The following NLK variants were observed in gnomAD, a reference collection of about 807,000 sequenced individuals.
The protein encoded by NLK is nemo like kinase, also known as serine/threonine-protein kinase NLK.
A neutral mutation model predicts 59.0 loss-of-function variants in NLK; 11 were observed. The observed-to-expected ratio is 0.19, with a 90% CI of 0.12 to 0.31. NLK has a LOEUF of 0.31. Among genes scored for constraint, NLK ranks in the 10% least tolerant of loss-of-function variants. The probability of loss-of-function intolerance (pLI) is 1.00; values close to 1 mark genes in which losing one functional copy is unlikely to be tolerated. For synonymous variants in NLK, 235 were observed against 235.9 expected, an observed-to-expected ratio of 1.00 and a Z score of 0.03; for missense variants, 410 against 661.1, an observed-to-expected ratio of 0.62 and a Z score of 4.16.
At chr17:28,090,517 A>C (rs759877730) in intron 1 of NLK, among the ~76,000 whole-genome samples, 1 of 151,762 alleles carries the variant, frequency 6.6e-6, no homozygotes, top group Non-Finnish European at 1.5e-5. Context: ...AAATTATTTT[A>C]ATTTTTTTTT....
At chr17:28,073,256 A>G (rs535018512) in intron 1 of NLK, among the ~76,000 whole-genome samples, 2 of 152,130 alleles carry the variant, frequency 1.3e-5, no homozygotes, top group South Asian at 4.2e-4. Context: ...GCTTTTACCT[A>G]TTTCACTTAC....
At chr17:28,068,917 G>A (rs915312348) in intron 1 of NLK, among the ~76,000 whole-genome samples, 8 of 152,152 alleles carry the variant, frequency 5.3e-5, no homozygotes, top group Non-Finnish European at 1.2e-4. Context: ...GGGCTCAAGC[G>A]ATCCTCACGC....
At chr17:28,136,180 A>G (rs1275325588) in intron 3 of NLK, among the ~76,000 whole-genome samples, 1 of 152,190 alleles carries the variant, frequency 6.6e-6, no homozygotes, top group Non-Finnish European at 1.5e-5. Context: ...TCATCCTATC[A>G]TATCACTTAA....
At chr17:28,166,463 G>A (rs868206395) in intron 5 of NLK, among the ~76,000 whole-genome samples, 16 of 152,194 alleles carry the variant, frequency 1.1e-4, no homozygotes, top group South Asian at 8.3e-4. Flanking sequence ...TCTTTAGAAC[G>A]GGGTTTTCAG....
intron 1 of NLK, among the ~76,000 whole-genome samples, chr17:28,118,935 CTGTCTTATTTAAGGCATCCAG>C (rs905216571): frequency 6.6e-6 from 1 of 152,154 alleles, no homozygotes; most frequent in African/African-American, 2.4e-5. Flanking sequence ...GACAGATGCA[CTGTCTTATTTAAGGCATCCAG>C]TGTTTAGCAG....
rs770763759 is a variant in NLK at position 28,172,549 on chromosome 17, A to G, written c.1080A>G (p.Pro360=). The change falls in exon 7 of 11, where the codon CCA becomes CCG. Residue 360 remains proline, a synonymous_variant. Transcript: ENST00000407008. ...LDLITDLLGT[P]SLEAMRTACE... is the part of the protein sequence containing the mutation. ...TGATCACGGATCTGTTGGGCACACC[A>G]TCACTGGAAGCAATGAGGACAGCTT... 1 of 1,596,606 alleles carries G rather than the reference A, an allele frequency of 6.3e-7. No individual in the cohort carries two copies. The highest frequency in any genetic ancestry group is 8.5e-7 in the Non-Finnish European group (1 of 1,172,348).
At chr17:28,111,896 G>GGGGTGTGTGTGTGTGTGT (rs1905520867) in intron 1 of NLK, among the ~76,000 whole-genome samples, 1 of 67,484 alleles carries the variant, frequency 1.5e-5, no homozygotes, top group Non-Finnish European at 2.7e-5. Context: ...GTGTGTGTGT[G>GGGGTGTGTGTGTGTGTGT]GTGTGTGTGT....
intron 1 of NLK, among the ~76,000 whole-genome samples, chr17:28,118,121 C>G (rs1344647925): frequency 6.6e-6 from 1 of 151,996 alleles, no homozygotes; most frequent in South Asian, 2.1e-4. Flanking sequence ...CTATTGTTTT[C>G]TGAAACAGGC....
intron 1 of NLK, among the ~76,000 whole-genome samples, chr17:28,079,776 C>T (rs1333363455): frequency 6.6e-6 from 1 of 152,064 alleles, no homozygotes; most frequent in Non-Finnish European, 1.5e-5. Context: ...CTATAGGTTG[C>T]CTTATCACTC....
At chr17:28,158,647 ATTTAT>A (rs1435855638) in intron 3 of NLK, among the ~76,000 whole-genome samples, 2 of 151,718 alleles carry the variant, frequency 1.3e-5, no homozygotes, top group Non-Finnish European at 2.9e-5. Context: ...TTTCTTATTT[ATTTAT>A]TTTTTCTCAC....
intron 7 of NLK, among the ~76,000 whole-genome samples, chr17:28,174,494 G>A (rs528584679): frequency 8.7e-4 from 132 of 152,128 alleles, no homozygotes; most frequent in Non-Finnish European, 7.2e-4. Context: ...TAGTTAGGAG[G>A]CCATTTCCGC....
At chr17:28,082,385 C>T (rs1910378627) in intron 1 of NLK, among the ~76,000 whole-genome samples, 2 of 152,188 alleles carry the variant, frequency 1.3e-5, no homozygotes, top group Non-Finnish European at 2.9e-5. Flanking sequence ...GCTAGCATAA[C>T]ATAAAACTTT....
At chr17:28,086,987 G>T (rs1910540316) in intron 1 of NLK, among the ~76,000 whole-genome samples, 1 of 151,664 alleles carries the variant, frequency 6.6e-6, no homozygotes, top group Non-Finnish European at 1.5e-5. Context: ...GTTCAAGGCT[G>T]CAGTGAGCTA....
intron 3 of NLK, among the ~76,000 whole-genome samples, chr17:28,135,399 C>T (rs1945692250): frequency 6.6e-6 from 1 of 152,188 alleles, no homozygotes; most frequent in Non-Finnish European, 1.5e-5. Flanking sequence ...CTCCTTTTTC[C>T]CTTCCCCTCC....
chr17:28,075,444 G>A (rs569480002), intron 1 of NLK, among the ~76,000 whole-genome samples: 1 of 152,250 alleles, frequency 6.6e-6, no homozygotes, highest in Admixed American at 6.5e-5. Flanking sequence ...TTATTTGTTA[G>A]GCAAGAACAA....
At chr17:28,085,394 T>C (rs550461960) in intron 1 of NLK, among the ~76,000 whole-genome samples, 31 of 152,288 alleles carry the variant, frequency 2.0e-4, no homozygotes, top group East Asian at 7.7e-4. Context: ...CACTGCATAA[T>C]GATGTTTCAG....
intron 1 of NLK, among the ~76,000 whole-genome samples, chr17:28,094,052 A>C (rs1458250643): frequency 6.6e-6 from 1 of 152,212 alleles, no homozygotes; most frequent in Admixed American, 6.5e-5. Flanking sequence ...TTTTACTAGA[A>C]TATGATTAAT....
At chr17:28,052,279 C>T (rs1909284964) in intron 1 of NLK, among the ~76,000 whole-genome samples, 1 of 151,986 alleles carries the variant, frequency 6.6e-6, no homozygotes, top group South Asian at 2.1e-4. Context: ...ATTTAATGTT[C>T]AGTATTTTGT....
At chr17:28,051,499 C>T (rs1909255043) in intron 1 of NLK, among the ~76,000 whole-genome samples, 1 of 151,880 alleles carries the variant, frequency 6.6e-6, no homozygotes, top group Non-Finnish European at 1.5e-5. Context: ...GCTGGGATTA[C>T]AGGCACGTGG....
Sources: allele counts gnomAD v4.1 joint callset (sites outside exome capture counted in the v4.1 genomes callset), GRCh38; gene constraint gnomAD v4.1.1; transcripts MANE v1.5; gene names NCBI Gene and HGNC (gene_info 2026-07-23, HGNC 2026-07-21).